Variants in POLA1 observed in about 807,000 individuals in gnomAD.
POLA1 encodes DNA polymerase alpha catalytic subunit.
POLA1 carries 15 observed loss-of-function variants against 124.0 expected under a neutral mutation model. That is an observed-to-expected ratio of 0.12 (90% CI 0.08 to 0.19). The LOEUF is 0.19. POLA1 is among the 10% of genes least tolerant of loss of function. The pLI, the probability that POLA1 is intolerant of heterozygous loss-of-function variation, is 1.00. For synonymous variants in POLA1, 408 were observed against 389.4 expected (o/e 1.05, Z -0.56); for missense variants, 886 against 1,103.4 (o/e 0.80, Z 2.79).
intron 36 of POLA1, among the ~76,000 whole-genome samples, chrX:24,933,078 T>G (rs1193833092): frequency 9.0e-6 from 1 of 111,423 alleles, no homozygotes; most frequent in East Asian, 2.8e-4. Context: ...GGGTAGAGCT[T>G]AGGAAGCTAT....
intron 26 of POLA1, among the ~76,000 whole-genome samples, chrX:24,790,911 G>GTATA (rs56343314): frequency 0.055 from 4,297 of 78,118 alleles, 117 homozygotes; most frequent in Middle Eastern, 0.08. Flanking sequence ...TTATGTATAT[G>GTATA]TATATATATA....
At chrX:24,882,670 A>C (rs2147130273) in intron 34 of POLA1, among the ~76,000 whole-genome samples, 1 of 99,012 alleles carries the variant, frequency 1.0e-5, no homozygotes, top group East Asian at 3.3e-4. Context: ...ATGGCTGCAT[A>C]CTATATATTC....
chrX:24,727,016 G>A lies in POLA1; in HGVS notation c.1476G>A (p.Leu492=). 8.3e-7 allele frequency: 1 copy of A among 1,201,770 alleles called. No individual in the cohort carries two copies. The highest frequency in any genetic ancestry group is 1.1e-6 in the Non-Finnish European group (1 of 889,303). ...GGACCAACACATCTAGCCTGGAACT[G>A]TTCTTGATGAACAGAAAGATCAAAG... ...VFGTNTSSLE[L]FLMNRKIKGP... Residue 492 remains leucine, a synonymous_variant, in exon 14 of 37, where the codon CTG becomes CTA. Coordinates refer to ENST00000379068, the MANE Select transcript of POLA1 (RefSeq NM_001330360.2).
In POLA1 at chrX:24,950,224, T is replaced by G. The variant is rs2048018312; in HGVS notation, c.4261+19675T>G. ...CTATAACTCATCTTCAGATTGTTCA[T>G]CTAGAGTAACACTGTCCACCGGAAC... On this transcript the variant is annotated intron_variant, in intron 36 of 36. Transcript: ENST00000379068. Among the ~76,000 whole-genome samples the G allele has an allele frequency of 2.7e-5, 3 of 112,358 alleles. No homozygotes were observed. The South Asian group carries it at 1.1e-3, about 42-fold the overall frequency.
intron 31 of POLA1, among the ~76,000 whole-genome samples, chrX:24,822,188 GGA>G (rs887726036): frequency 1.8e-5 from 2 of 111,066 alleles, no homozygotes; most frequent in Admixed American, 9.6e-5. Flanking sequence ...TAATGGGTGA[GGA>G]GAGAGAGTAA....
At chrX:24,818,932 G>A (rs943267703) in intron 30 of POLA1, among the ~76,000 whole-genome samples, 52 of 112,023 alleles carry the variant, frequency 4.6e-4, no homozygotes, top group Non-Finnish European at 7.5e-5. Flanking sequence ...ACCCAAACAT[G>A]TAGTTAGAAA....
chrX:24,905,021 C>T (rs1750087843), intron 35 of POLA1, among the ~76,000 whole-genome samples: 1 of 79,956 alleles, frequency 1.3e-5, no homozygotes, highest in African/African-American at 7.6e-5. Context: ...AAGACTCTGT[C>T]TCAAAAAAAA....
rs141087451 is a variant in POLA1, at chrX:24,942,103, G to A, written c.4261+11554G>A. On this transcript the variant is annotated intron_variant, in intron 36 of 36. Transcript: ENST00000379068. ...GAAGTACCAATACTTCTGACCAATT[G>A]CTTATTCATGCATTCACCTCTAAAT... Among the ~76,000 whole-genome samples the A allele has an allele frequency of 3.2e-3, 362 of 111,782 alleles. 1 individual carries two copies. Among genetic ancestry groups the A allele is most frequent in the African/African-American group, 0.011 (336 of 30,809 alleles).
At chrX:24,829,972 A>G (rs1036130858) in intron 32 of POLA1, among the ~76,000 whole-genome samples, 5 of 112,493 alleles carry the variant, frequency 4.4e-5, no homozygotes, top group African/African-American at 9.7e-5. Context: ...CTAATCACAG[A>G]CATAAAATAA....
At chrX:24,911,124 A>G (rs949586971) in intron 35 of POLA1, among the ~76,000 whole-genome samples, 3 of 112,406 alleles carry the variant, frequency 2.7e-5, no homozygotes, top group Non-Finnish European at 5.6e-5. Flanking sequence ...ACACTTCTCA[A>G]TAAGTTATGG....
At chrX:24,756,613 A>G (rs1426279858) in intron 26 of POLA1, among the ~76,000 whole-genome samples, 1 of 110,789 alleles carries the variant, frequency 9.0e-6, no homozygotes, top group Non-Finnish European at 1.9e-5. Context: ...TCATATGAGA[A>G]CTTCCCTCAA....
At chrX:24,714,073 A>G (rs1441716701) in intron 4 of POLA1, among the ~76,000 whole-genome samples, 1 of 112,882 alleles carries the variant, frequency 8.9e-6, no homozygotes, top group South Asian at 3.6e-4. Flanking sequence ...ATTAGTTTCT[A>G]TAAAAACATT....
intron 35 of POLA1, among the ~76,000 whole-genome samples, chrX:24,924,693 G>A (rs1197769321): frequency 8.9e-6 from 1 of 111,819 alleles, no homozygotes; most frequent in African/African-American, 3.3e-5. Context: ...ACGGCTTCCC[G>A]AAGATGATGA....
chrX:24,796,386 G>A (rs950144878), intron 26 of POLA1, among the ~76,000 whole-genome samples: 3 of 111,419 alleles, frequency 2.7e-5, no homozygotes, highest in African/African-American at 9.8e-5. Flanking sequence ...ACTGTGTGGT[G>A]CCTGACTGTC....
In POLA1 at chrX:24,717,248, A is replaced by G. The variant is rs1337585276; in HGVS notation, c.707-42A>G. On this transcript the variant is annotated intron_variant, in intron 8 of 36. Transcript: ENST00000379068. ...GTGTGCCTTTGTGTGCCTTTGTGTC[A>G]TCGCAATAACACATGACAAGAATGT... 6 of 1,125,873 alleles carry G rather than the reference A, an allele frequency of 5.3e-6. No homozygotes were observed. The African/African-American group carries it at 5.4e-5, about 10-fold the overall frequency. The allele number at this position is 1,125,873 out of a possible 1,213,427, so 92.8% of individuals were successfully genotyped here. A position where few individuals can be genotyped will look rare whatever the true frequency, so the allele number is the denominator to read the frequency against.
At chrX:24,937,381 G>A (rs1456425913) in intron 36 of POLA1, among the ~76,000 whole-genome samples, 1 of 111,278 alleles carries the variant, frequency 9.0e-6, no homozygotes, top group African/African-American at 3.3e-5. Context: ...GTTATCTCTA[G>A]GTGGATTATA....
intron 30 of POLA1, among the ~76,000 whole-genome samples, chrX:24,816,016 T>C (rs1342000335): frequency 8.9e-6 from 1 of 112,450 alleles, no homozygotes; most frequent in African/African-American, 3.2e-5. Flanking sequence ...AAAAGATGTA[T>C]CTGTTTCACT....
intron 10 of POLA1, among the ~76,000 whole-genome samples, 200 bp from the exon 11 acceptor site, chrX:24,722,955 A>G (rs1351386039): frequency 2.7e-5 from 3 of 112,355 alleles, no homozygotes; most frequent in Non-Finnish European, 5.6e-5. Context: ...CATACACTGT[A>G]TCATTGTGTT....
At chrX:24,935,079 A>T (rs1181279725) in intron 36 of POLA1, among the ~76,000 whole-genome samples, 1 of 110,813 alleles carries the variant, frequency 9.0e-6, no homozygotes, top group Non-Finnish European at 1.9e-5. Flanking sequence ...TCTGTACCTA[A>T]TCTCCTCTTC....
Sources: gnomAD v4.1 joint callset for allele counts (sites outside exome capture counted in the v4.1 genomes callset) on GRCh38, gnomAD v4.1.1 for gene constraint, MANE v1.5 for transcripts, NCBI Gene and HGNC (gene_info 2026-07-23, HGNC 2026-07-21) for gene names.